Variants in SLC25A21 observed in about 807,000 individuals in gnomAD.
The protein encoded by SLC25A21 is mitochondrial 2-oxodicarboxylate carrier.
In SLC25A21, 47 loss-of-function variants were observed where a neutral mutation model predicts 43.8. That is an observed-to-expected ratio of 1.07 (90% CI 0.85 to 1.37). The LOEUF (loss-of-function observed/expected upper bound fraction) is 1.37, where lower values mean the gene tolerates loss of function less well. Among genes scored for constraint, SLC25A21 ranks in the 40% most tolerant of loss-of-function variants. The pLI is 0.00. For synonymous variants in SLC25A21, 131 were observed against 121.3 expected, an observed-to-expected ratio of 1.08 and a Z score of -0.52; for missense variants, 352 against 350.2, an observed-to-expected ratio of 1.00 and a Z score of -0.04.
intron 7 of SLC25A21, among the ~76,000 whole-genome samples, chr14:36,696,046 G>C (rs1883008572): frequency 6.6e-6 from 1 of 152,118 alleles, no homozygotes; most frequent in Non-Finnish European, 1.5e-5. Flanking sequence ...CTGTGGGTTT[G>C]TCATAAATAG....
intron 1 of SLC25A21, among the ~76,000 whole-genome samples, chr14:37,066,039 C>T (rs1463468343): frequency 6.6e-6 from 1 of 152,064 alleles, no homozygotes; most frequent in Non-Finnish European, 1.5e-5. Context: ...AAAGTGCGAA[C>T]CCACAAGCTG....
At chr14:37,095,037 A>T (rs1962660303) in intron 1 of SLC25A21, among the ~76,000 whole-genome samples, 1 of 152,240 alleles carries the variant, frequency 6.6e-6, no homozygotes, top group Non-Finnish European at 1.5e-5. Flanking sequence ...TGGCCATTCC[A>T]CAATGGCCAT....
At chr14:37,170,121 C>T (rs1204177881) in intron 1 of SLC25A21, among the ~76,000 whole-genome samples, 2 of 151,948 alleles carry the variant, frequency 1.3e-5, no homozygotes, top group Non-Finnish European at 2.9e-5. Context: ...CTGCAACCTC[C>T]GCCTCCTGGG....
At chr14:36,951,026 C>T (rs1892797513) in intron 1 of SLC25A21, among the ~76,000 whole-genome samples, 1 of 152,184 alleles carries the variant, frequency 6.6e-6, no homozygotes, top group African/African-American at 2.4e-5. Context: ...CCACAGTGAG[C>T]CCTCTCTGCC....
chr14:36,818,180 T>C (rs1888516783), intron 2 of SLC25A21, among the ~76,000 whole-genome samples: 1 of 152,150 alleles, frequency 6.6e-6, no homozygotes, highest in African/African-American at 2.4e-5. Context: ...GATGATCGGC[T>C]ATTTATGGGT....
chr14:36,997,831 A>C (rs976134664), intron 1 of SLC25A21, among the ~76,000 whole-genome samples: 4 of 152,016 alleles, frequency 2.6e-5, no homozygotes, highest in Non-Finnish European at 5.9e-5. Context: ...AAAAAAAAAA[A>C]AACAACTCTA....
At chr14:37,020,891 A>T (rs1166101140) in intron 1 of SLC25A21, among the ~76,000 whole-genome samples, 1 of 151,974 alleles carries the variant, frequency 6.6e-6, no homozygotes, top group South Asian at 2.1e-4. Flanking sequence ...GAAAAACGGA[A>T]ATAATAAGTT....
chr14:36,858,360 T>C (rs949415759), intron 2 of SLC25A21, among the ~76,000 whole-genome samples: 2 of 152,196 alleles, frequency 1.3e-5, no homozygotes, highest in Non-Finnish European at 2.9e-5. Flanking sequence ...CTCAACCTGA[T>C]GTTTAAGCAA....
At position 36,910,756 on chromosome 14, in the gene SLC25A21, C is replaced by A. The variant is rs553313329; in HGVS notation, c.71-35752G>T. Among the ~76,000 whole-genome samples the A allele has an allele frequency of 5.3e-5, 8 of 152,188 alleles. No individual in the cohort carries two copies. In the South Asian group the frequency reaches 6.2e-4, roughly 12 times the overall value. ...CTAAGCATTCATTAGTGGCTTATTT[C>A]GGAATTACAGTCATTTCATCACTGA... On this transcript the variant is annotated intron_variant, in intron 1 of 9. Coordinates refer to ENST00000331299, the MANE Select transcript of SLC25A21 (RefSeq NM_030631.4).
chr14:36,898,764 G>A (rs992412138), intron 1 of SLC25A21, among the ~76,000 whole-genome samples: 1 of 152,172 alleles, frequency 6.6e-6, no homozygotes, highest in Non-Finnish European at 1.5e-5. Flanking sequence ...AGCTGCCAGT[G>A]GGTGTGGGGT....
intron 1 of SLC25A21, among the ~76,000 whole-genome samples, chr14:36,915,022 T>TA (rs1461286583): frequency 6.6e-6 from 1 of 152,040 alleles, no homozygotes; most frequent in East Asian, 1.9e-4. Flanking sequence ...AAAAAAAACT[T>TA]ACTATTTTTT....
chr14:36,734,054 G>A (rs1884935480), intron 4 of SLC25A21, among the ~76,000 whole-genome samples: 1 of 152,064 alleles, frequency 6.6e-6, no homozygotes, highest in South Asian at 2.1e-4. Context: ...TGTTATATGA[G>A]AATCATATAT....
At chr14:37,022,124 T>C (rs553988863) in intron 1 of SLC25A21, among the ~76,000 whole-genome samples, 2 of 152,022 alleles carry the variant, frequency 1.3e-5, no homozygotes, top group Non-Finnish European at 2.9e-5. Context: ...TAGAAATCCA[T>C]TGATGACATA....
intron 1 of SLC25A21, among the ~76,000 whole-genome samples, chr14:37,106,017 T>C (rs1047939133): frequency 2.0e-5 from 3 of 152,196 alleles, no homozygotes; most frequent in African/African-American, 7.2e-5. Flanking sequence ...TTTTATAATT[T>C]CTTATGCCTG....
Position 36,679,423 on chromosome 14 carries a change from A to G in SLC25A21, c.*1235T>C. On this transcript the variant is annotated 3_prime_UTR_variant, in exon 10 of 10. Transcript: ENST00000331299. The stretch of plus-strand genomic sequence containing the variant: ...TTAGTGAAATAGCCCCGTAGTAGAA[A>G]TAGCCCACGGTAGTAACTTAGGACA... The G allele has an allele frequency of 2.0e-6, 2 of 985,166 alleles. No individual in the cohort carries two copies. The highest frequency in any genetic ancestry group is 2.4e-6 in the Non-Finnish European group (2 of 829,716). 61.0% of individuals were successfully genotyped at this position (985,166 alleles called of 1,614,324 possible). A position where few individuals can be genotyped will look rare whatever the true frequency, so the allele number is the denominator to read the frequency against.
rs946333361 is a variant in SLC25A21, at chr14:36,992,435, A to AT, written c.71-117432dup. On this transcript the variant is annotated intron_variant, in intron 1 of 9. Transcript: ENST00000331299. Reference sequence around the variant, plus strand: ...AAAAAAATAAATAAATAATAAAAAAATTTTTTTTAAAGAATAGCACTGTTT... The same window carrying AT: ...AAAAAAATAAATAAATAATAAAAAAATTTTTTTTTAAAGAATAGCACTGTTT... Among the ~76,000 whole-genome samples, 91 of 151,966 alleles carry AT rather than the reference A, an allele frequency of 6.0e-4. 1 individual carries two copies. The highest frequency in any genetic ancestry group is 2.0e-3 in the African/African-American group (82 of 41,450).
chr14:37,063,069 C>A (rs1961983827), intron 1 of SLC25A21, among the ~76,000 whole-genome samples: 1 of 152,100 alleles, frequency 6.6e-6, no homozygotes, highest in Non-Finnish European at 1.5e-5. Context: ...AAGGGGGAAG[C>A]CCCTTATAAA....
intron 7 of SLC25A21, among the ~76,000 whole-genome samples, chr14:36,693,161 T>C (rs1371761580): frequency 6.6e-6 from 1 of 152,234 alleles, no homozygotes; most frequent in Non-Finnish European, 1.5e-5. Context: ...AAATTTCATT[T>C]TTTTGAATCA....
At chr14:36,869,842 T>C (rs184027591) in intron 2 of SLC25A21, among the ~76,000 whole-genome samples, 2 of 152,282 alleles carry the variant, frequency 1.3e-5, no homozygotes, top group East Asian at 1.9e-4. Flanking sequence ...AATCTTGATA[T>C]TGGAAGAGAG....
Sources: gnomAD v4.1 joint callset for allele counts (sites outside exome capture counted in the v4.1 genomes callset) on GRCh38, gnomAD v4.1.1 for gene constraint, MANE v1.5 for transcripts, NCBI Gene and HGNC (gene_info 2026-07-23, HGNC 2026-07-21) for gene names.